Variants in RHOBTB2 observed in about 807,000 individuals in gnomAD.
The protein encoded by RHOBTB2 is rho-related BTB domain-containing protein 2.
Under a neutral mutation model 66.5 loss-of-function variants are expected in RHOBTB2, and 39 were observed. That is an observed-to-expected ratio of 0.59 (90% CI 0.45 to 0.77). The LOEUF is 0.77. Among genes scored for constraint, RHOBTB2 ranks in the 30% least tolerant of loss-of-function variants. RHOBTB2 has a pLI of 0.00. For synonymous variants in RHOBTB2, 390 were observed against 395.0 expected, an observed-to-expected ratio of 0.99 and a Z score of 0.15; for missense variants, 755 against 999.1, an observed-to-expected ratio of 0.76 and a Z score of 3.29.
chr8:23,011,686 G>A (rs773411838), intron 7 of RHOBTB2, among the ~76,000 whole-genome samples: 4 of 152,186 alleles, frequency 2.6e-5, no homozygotes, highest in Non-Finnish European at 4.4e-5. Flanking sequence ...ACCCAGGCAG[G>A]CAGACGGCTC....
At chr8:22,973,028 C>T in the RHOBTB2 span, among the ~76,000 whole-genome samples, 3 of 152,192 alleles carry the variant, frequency 2.0e-5, no homozygotes, top group Non-Finnish European at 4.4e-5. Flanking sequence ...GCCTTCACTC[C>T]CTTCCCCTGA....
intron 1 of RHOBTB2, among the ~76,000 whole-genome samples, chr8:22,989,031 G>A (rs1162278499): frequency 6.6e-6 from 1 of 152,178 alleles, no homozygotes. Flanking sequence ...GACCTCTAGA[G>A]GAAACTCATC....
intron 2 of RHOBTB2, 138 bp from the exon 3 acceptor site, chr8:23,005,234 T>C (rs563016394): frequency 3.1e-6 from 2 of 641,330 alleles, no homozygotes. Flanking sequence ...GGGTGCACAG[T>C]GGGCGATGCC....
chr8:22,964,955 T>A, the RHOBTB2 span, among the ~76,000 whole-genome samples: 1 of 151,986 alleles, frequency 6.6e-6, no homozygotes, highest in Non-Finnish European at 1.5e-5. Flanking sequence ...TAGCTGGGAT[T>A]ACAGGCGCCC....
the RHOBTB2 span, among the ~76,000 whole-genome samples, chr8:22,979,711 TTTTTTCTTTTTC>T: frequency 3.3e-5 from 5 of 150,220 alleles, no homozygotes; most frequent in African/African-American, 1.2e-4. Context: ...TTCTTTTTTC[TTTTTTCTTTTTC>T]TTTTCTTTTC....
the RHOBTB2 span, among the ~76,000 whole-genome samples, chr8:22,962,321 C>T: frequency 2.3e-4 from 34 of 145,712 alleles, no homozygotes; most frequent in Non-Finnish European, 3.6e-4. Flanking sequence ...GGTGATTTTA[C>T]GAGAAAATTA....
At chr8:22,965,618 T>C in the RHOBTB2 span, among the ~76,000 whole-genome samples, 1 of 152,084 alleles carries the variant, frequency 6.6e-6, no homozygotes, top group Non-Finnish European at 1.5e-5. Context: ...AGCCCAGAAA[T>C]AAACCCTTGC....
At chr8:22,976,645 T>G in the RHOBTB2 span, among the ~76,000 whole-genome samples, 1 of 152,132 alleles carries the variant, frequency 6.6e-6, no homozygotes, top group Non-Finnish European at 1.5e-5. Context: ...TTTTTTTTTC[T>G]GATACAGTCT....
Position 23,017,436 on chromosome 8 carries a change from C to T in RHOBTB2, c.2151C>T (p.Ser717=). Residue 717 remains serine, a synonymous_variant, in exon 10 of 10, where the codon TCC becomes TCT. Coordinates refer to ENST00000251822, the MANE Select transcript of RHOBTB2 (RefSeq NM_015178.3). This position sits in a 1 kb window ranked among gnomAD's most constrained non-coding sequence, Gnocchi z 5.3. ...CCCCGTCTTCCTCGGCAGCCTCCTC[C>T]TCATCCCCATCTTCCTCCTCGGCTG... The part of the protein sequence containing the change: ...PSSPSSSAAS[S]SSPSSSSAVV The T allele has an allele frequency of 1.2e-6, 2 of 1,605,654 alleles. No individual in the cohort carries two copies. Among genetic ancestry groups the T allele is most frequent in the Non-Finnish European group, 1.7e-6 (2 of 1,175,964 alleles).
At position 23,007,142 on chromosome 8, in the gene RHOBTB2, C is replaced by T. The variant is rs146884841; in HGVS notation, c.897C>T (p.Asp299=). The T allele has an allele frequency of 1.9e-5, 30 of 1,608,168 alleles. No individual in the cohort carries two copies. In the African/African-American group the frequency reaches 2.8e-4, roughly 15 times the overall value. The change falls in exon 5 of 10, where the codon GAC becomes GAT. Residue 299 remains aspartate (D), a synonymous_variant. Coordinates refer to ENST00000251822, the MANE Select transcript of RHOBTB2 (RefSeq NM_015178.3). ...AGTTCTATGACCTGTTCCTCATGGA[C>T]CTGAGTGAGGGGGAGCTGGGGGGCC... ...SSKFYDLFLM[D]LSEGELGGPS...
the RHOBTB2 span, among the ~76,000 whole-genome samples, chr8:22,952,829 C>T: frequency 1.3e-5 from 2 of 152,024 alleles, no homozygotes; most frequent in East Asian, 1.9e-4. Context: ...TGCTTGAACT[C>T]GGGAGGCGGA....
At chr8:22,961,195 TC>T in the RHOBTB2 span, among the ~76,000 whole-genome samples, 27 of 152,056 alleles carry the variant, frequency 1.8e-4, no homozygotes, top group Non-Finnish European at 3.1e-4. Flanking sequence ...AGCCATTAAG[TC>T]AGGCCCTGCA....
chr8:23,017,791 G>A lies in RHOBTB2; in HGVS notation c.*322G>A. 1 of 326,294 alleles carries A rather than the reference G, an allele frequency of 3.1e-6. No individual in the cohort carries two copies. The highest frequency in any genetic ancestry group is 4.1e-5 in the Admixed American group (1 of 24,292). 20.2% of individuals were successfully genotyped at this position (326,294 alleles called of 1,614,324 possible). A position where few individuals can be genotyped will look rare whatever the true frequency, so the allele number is the denominator to read the frequency against. ...AAGGGAAAGCCTCCCAGCCTCCAGG[G>A]CTTCTCTGTGTGTCTTGGTTGCTGC... On this transcript the variant is annotated 3_prime_UTR_variant, in exon 10 of 10. Coordinates refer to ENST00000251822, the MANE Select transcript of RHOBTB2 (RefSeq NM_015178.3). The surrounding 1 kb of genome is among the most constrained non-coding windows in gnomAD (Gnocchi z 5.3).
At chr8:22,968,127 C>T in the RHOBTB2 span, among the ~76,000 whole-genome samples, 2 of 151,316 alleles carry the variant, frequency 1.3e-5, no homozygotes, top group Non-Finnish European at 1.5e-5. Flanking sequence ...TGTACTTCAG[C>T]CTGGGTGACA....
chr8:22,995,300 G>A (rs1810518489), upstream of RHOBTB2, among the ~76,000 whole-genome samples: 1 of 152,114 alleles, frequency 6.6e-6, no homozygotes, highest in South Asian at 2.1e-4. Flanking sequence ...AGAGAAATCT[G>A]CATCCTGGCT....
chr8:23,007,616 C>T lies in RHOBTB2; in HGVS notation c.1371C>T (p.Val457=). The change falls in exon 5 of 10, where the codon GTC becomes GTT. Residue 457 remains valine, a synonymous_variant. Coordinates refer to ENST00000251822, the MANE Select transcript of RHOBTB2 (RefSeq NM_015178.3). ...CCCACATTGCTGAGCTGCTCGAGGT[C>T]TTTGATCTGCGCATGATGGTGGCCA... The part of the protein sequence containing the change: ...HIAHIAELLE[V]FDLRMMVANI... 3 of 1,614,180 alleles carry T rather than the reference C, an allele frequency of 1.9e-6. No homozygotes were observed. The highest frequency in any genetic ancestry group is 2.5e-6 in the Non-Finnish European group (3 of 1,180,030).
upstream of RHOBTB2, chr8:22,995,966 C>A (rs894779826): frequency 3.7e-6 from 5 of 1,337,050 alleles, no homozygotes; most frequent in South Asian, 1.3e-5. Context: ...CTGAGCCAGG[C>A]GGTCTGCGTT....
At chr8:22,959,701 A>G in the RHOBTB2 span, among the ~76,000 whole-genome samples, 33 of 152,200 alleles carry the variant, frequency 2.2e-4, no homozygotes, top group African/African-American at 7.9e-4. Context: ...GACCACCAAA[A>G]TCTCATGGTC....
intron 7 of RHOBTB2, among the ~76,000 whole-genome samples, chr8:23,014,074 G>A (rs1811220469): frequency 6.6e-6 from 1 of 152,184 alleles, no homozygotes; most frequent in Non-Finnish European, 1.5e-5. Flanking sequence ...AATGCTCATT[G>A]TACTGGGATG....
Sources: gnomAD v4.1 joint callset for allele counts (sites outside exome capture counted in the v4.1 genomes callset) on GRCh38, gnomAD v4.1.1 for gene constraint, Gnocchi (gnomAD v3.1) non-coding constraint, MANE v1.5 for transcripts, NCBI Gene and HGNC (gene_info 2026-07-23, HGNC 2026-07-21) for gene names.